Variants in PIEZO2 observed in about 807,000 individuals in gnomAD.
PIEZO2 encodes piezo-type mechanosensitive ion channel component 2.
In PIEZO2, 172 loss-of-function variants were observed where a neutral mutation model predicts 337.3. That is an observed-to-expected ratio of 0.51 (90% CI 0.45 to 0.58). The LOEUF (loss-of-function observed/expected upper bound fraction) is 0.58. Ranked by LOEUF, PIEZO2 falls within the 20% of genes least tolerant of loss-of-function variation. PIEZO2 has a pLI of 0.00. For missense variants in PIEZO2, 3,028 were observed against 3,391.3 expected (o/e 0.89, Z 2.66); for synonymous variants, 1,251 against 1,228.5 (o/e 1.02, Z -0.38).
At chr18:10,699,250 T>C in intron 43 of PIEZO2, 73 bp from the exon 44 acceptor site, 3 of 1,512,848 alleles carry the variant, frequency 2.0e-6, no homozygotes, top group Non-Finnish European at 2.6e-6. Flanking sequence ...TCTTACAAAA[T>C]CTCATCCAAC....
In PIEZO2 at chr18:10,834,752, G is replaced by T. The variant is rs1217037444; in HGVS notation, c.917+20601C>A. Among the ~76,000 whole-genome samples the T allele has an allele frequency of 6.6e-6, 1 of 152,130 alleles. No individual in the cohort carries two copies. Among genetic ancestry groups the T allele is most frequent in the Non-Finnish European group, 1.5e-5 (1 of 68,006 alleles). ...CACAAGGCCAGGCTTCCTAGAAAAG[G>T]CAGGGTGCCTAGAACACCAGCCTCA... On this transcript the variant is annotated intron_variant, in intron 7 of 55. Transcript: ENST00000674853. The surrounding 1 kb of genome is among the most constrained non-coding windows in gnomAD (Gnocchi z 4.5).
chr18:10,889,975 T>C (rs990177351), intron 4 of PIEZO2, among the ~76,000 whole-genome samples: 11 of 152,218 alleles, frequency 7.2e-5, no homozygotes, highest in South Asian at 2.1e-4. Flanking sequence ...TCTTGGACCT[T>C]GGCTCCCCCA....
chr18:10,705,215 T>G (rs953706021), intron 41 of PIEZO2, 121 bp downstream of exon 41: 2 of 1,263,932 alleles, frequency 1.6e-6, no homozygotes, highest in African/African-American at 3.0e-5. Context: ...AATTGTCTGT[T>G]TGCTCTAAGT....
Position 10,773,676 on chromosome 18 carries a change from G to A in PIEZO2, c.2568-47C>T. On this transcript the variant is annotated intron_variant, in intron 19 of 55. Coordinates refer to ENST00000674853, the MANE Select transcript of PIEZO2 (RefSeq NM_001378183.1). The surrounding 1 kb of genome is among the most constrained non-coding windows in gnomAD (Gnocchi z 5.3). ...GTCAGAAGAGGAAAGGGTGTTGGGA[G>A]AGATTTGACTGAGGGGCAAGTAAAA... The A allele has an allele frequency of 6.6e-7, 1 of 1,505,768 alleles. No homozygotes were observed. The highest frequency in any genetic ancestry group is 8.9e-7 in the Non-Finnish European group (1 of 1,119,168). The allele number at this position is 1,505,768 out of a possible 1,614,324, so 93.3% of individuals were successfully genotyped here. A position where few individuals can be genotyped will look rare whatever the true frequency, so the allele number is the denominator to read the frequency against.
At chr18:10,998,004 T>A (rs1222483391) in intron 2 of PIEZO2, among the ~76,000 whole-genome samples, 8 of 151,928 alleles carry the variant, frequency 5.3e-5, no homozygotes, top group Non-Finnish European at 8.8e-5. Flanking sequence ...AACTAAAGAA[T>A]GAAAACAGAG....
In PIEZO2 at chr18:11,098,802, A is replaced by G. The variant is rs564429601; in HGVS notation, c.65-32580T>C. On this transcript the variant is annotated intron_variant, in intron 1 of 55. Transcript: ENST00000674853. ...TTATTTATTTATTTTGTTTATTTAA[A>G]AAAAATTTTTTTTGAGACAGGGTCT... 3.9e-5 allele frequency among the ~76,000 whole-genome samples: 6 copies of G among 151,926 alleles called. No individual in the cohort carries two copies. The South Asian group carries it at 1.2e-3, about 32-fold the overall frequency.
At position 10,993,255 on chromosome 18, in the gene PIEZO2, T is replaced by C. The variant is rs1310616334; in HGVS notation, c.161-13595A>G. On this transcript the variant is annotated intron_variant, in intron 2 of 55. Coordinates refer to ENST00000674853, the MANE Select transcript of PIEZO2 (RefSeq NM_001378183.1). The surrounding 1 kb of genome is among the most constrained non-coding windows in gnomAD (Gnocchi z 5.0). ...TGATTGCCCTGGCCAGAACTTCCAA[T>C]ACTATGTTGAATAGGAGTGGTGAGA... is the stretch of plus-strand genomic sequence containing the variant. 6.6e-6 allele frequency among the ~76,000 whole-genome samples: 1 copy of C among 152,146 alleles called. No individual in the cohort carries two copies. The highest frequency in any genetic ancestry group is 1.5e-5 in the Non-Finnish European group (1 of 68,018).
chr18:10,700,398 TA>T (rs1216137703), intron 43 of PIEZO2, among the ~76,000 whole-genome samples: 2 of 151,898 alleles, frequency 1.3e-5, no homozygotes, highest in Admixed American at 1.3e-4. Flanking sequence ...TTTATCATTC[TA>T]AAAACTATTT....
chr18:10,916,722 C>T (rs1260006816), intron 3 of PIEZO2, among the ~76,000 whole-genome samples: 10 of 152,260 alleles, frequency 6.6e-5, no homozygotes, highest in East Asian at 3.9e-4. Context: ...CCCAGAGACG[C>T]GCTCCCATAG....
chr18:10,712,721 A>G (rs2035867315), intron 39 of PIEZO2, among the ~76,000 whole-genome samples: 1 of 152,228 alleles, frequency 6.6e-6, no homozygotes, highest in African/African-American at 2.4e-5. Flanking sequence ...TCAGAAATTA[A>G]TAATTGAGAA....
intron 7 of PIEZO2, among the ~76,000 whole-genome samples, chr18:10,810,461 C>A (rs1298896728): frequency 6.6e-6 from 1 of 152,200 alleles, no homozygotes; most frequent in Non-Finnish European, 1.5e-5. Flanking sequence ...ATTGTGACAG[C>A]TGCCAGAGTT....
At chr18:10,893,918 G>C (rs1282129546) in intron 4 of PIEZO2, among the ~76,000 whole-genome samples, 1 of 152,250 alleles carries the variant, frequency 6.6e-6, no homozygotes, top group East Asian at 1.9e-4. Context: ...GTTACAGTAG[G>C]TAGCTAGTCA....
At position 10,861,531 on chromosome 18, in the gene PIEZO2, T is replaced by C. The variant is rs1274034440; in HGVS notation, c.493-4320A>G. ...AAGACAAATACGGCATGATCTCACT[T>C]ATACGTGGAATCTAAAGAAGTTGCA... On this transcript the variant is annotated intron_variant, in intron 5 of 55. Transcript: ENST00000674853. The surrounding 1 kb of genome is among the most constrained non-coding windows in gnomAD (Gnocchi z 4.3). Among the ~76,000 whole-genome samples, 2 of 152,202 alleles carry C rather than the reference T, an allele frequency of 1.3e-5. No homozygotes were observed. The highest frequency in any genetic ancestry group is 2.9e-5 in the Non-Finnish European group (2 of 68,030).
chr18:11,087,173 C>T (rs2038942547), intron 1 of PIEZO2, among the ~76,000 whole-genome samples: 2 of 152,182 alleles, frequency 1.3e-5, no homozygotes, highest in Non-Finnish European at 1.5e-5. Context: ...TGGACTCTCA[C>T]CAGACACTGA....
chr18:10,823,318 G>C (rs1034748457), intron 7 of PIEZO2, among the ~76,000 whole-genome samples: 4 of 151,990 alleles, frequency 2.6e-5, no homozygotes, highest in Non-Finnish European at 4.4e-5. Flanking sequence ...TTTGTATTTT[G>C]GAGATTACTT....
intron 2 of PIEZO2, among the ~76,000 whole-genome samples, chr18:11,064,018 T>C (rs941944232): frequency 4.6e-5 from 7 of 151,422 alleles, no homozygotes; most frequent in Non-Finnish European, 8.8e-5. Context: ...ACACTAATGA[T>C]ATCTGATGAG....
chr18:10,758,626 C>G lies in PIEZO2; in HGVS notation c.3758-492G>C, dbSNP rs149169443. On this transcript the variant is annotated intron_variant, in intron 26 of 55. Transcript: ENST00000674853. ...ATGCCTGGCTAATTTTTTTTACCTCCCACCAGTTTTAAGGAGGCCACTTGA... is the reference window on the plus strand; with the variant it reads ...ATGCCTGGCTAATTTTTTTTACCTCGCACCAGTTTTAAGGAGGCCACTTGA... Among the ~76,000 whole-genome samples the G allele has an allele frequency of 4.6e-3, 693 of 152,216 alleles. 1 individual carries two copies. Among genetic ancestry groups the G allele is most frequent in the Admixed American group, 7.3e-3 (111 of 15,286 alleles).
At chr18:10,742,012 G>A (rs182119538) in intron 32 of PIEZO2, among the ~76,000 whole-genome samples, 2,389 of 151,996 alleles carry the variant, frequency 0.016, 65 homozygotes, top group African/African-American at 0.052. Flanking sequence ...AAAATTAGCC[G>A]GGCGTGGTGG....
chr18:11,103,678 G>A (rs1437581554), intron 1 of PIEZO2, among the ~76,000 whole-genome samples: 1 of 152,142 alleles, frequency 6.6e-6, no homozygotes, highest in Non-Finnish European at 1.5e-5. Flanking sequence ...CATTGCTTCT[G>A]TGCCCCTGGG....
Sources: allele counts gnomAD v4.1 joint callset (sites outside exome capture counted in the v4.1 genomes callset), GRCh38; gene constraint gnomAD v4.1.1; non-coding constraint Gnocchi (gnomAD v3.1); transcripts MANE v1.5; gene names NCBI Gene and HGNC (gene_info 2026-07-23, HGNC 2026-07-21).